GALNTL6: variants seen among roughly 807,000 people sequenced by gnomAD.
GALNTL6 encodes the protein polypeptide N-acetylgalactosaminyltransferase like 6.
GALNTL6 carries 46 observed loss-of-function variants against 73.7 expected under a neutral mutation model. That is an observed-to-expected ratio of 0.62 (90% confidence interval 0.49 to 0.80). The LOEUF is 0.80. Ranked by LOEUF, GALNTL6 falls within the 30% of genes least tolerant of loss-of-function variation. The probability of loss-of-function intolerance (pLI) is 0.00; values close to 1 mark genes in which losing one functional copy is unlikely to be tolerated. For missense variants in GALNTL6, 604 were observed against 755.0 expected (o/e 0.80, Z 2.34); for synonymous variants, 259 against 263.7 (o/e 0.98, Z 0.17).
At chr4:172,559,403 C>T (rs1333162969) in intron 5 of GALNTL6, among the ~76,000 whole-genome samples, 3 of 152,096 alleles carry the variant, frequency 2.0e-5, no homozygotes, top group Admixed American at 6.5e-5. Flanking sequence ...ATGGATGCCT[C>T]TTACTCCCAG....
chr4:172,642,825 A>G (rs1301022292), intron 5 of GALNTL6, among the ~76,000 whole-genome samples: 1 of 151,928 alleles, frequency 6.6e-6, no homozygotes, highest in Non-Finnish European at 1.5e-5. Flanking sequence ...TACACCATAA[A>G]TATATTCCAT....
At chr4:172,357,308 T>C (rs1182903422) in intron 5 of GALNTL6, among the ~76,000 whole-genome samples, 2 of 152,160 alleles carry the variant, frequency 1.3e-5, no homozygotes, top group African/African-American at 4.8e-5. Context: ...TGGCCCCTTG[T>C]GGGACATCTG....
intron 10 of GALNTL6, among the ~76,000 whole-genome samples, chr4:172,986,902 C>A (rs79086521): frequency 6.6e-6 from 1 of 152,004 alleles, no homozygotes; most frequent in Admixed American, 6.6e-5. Flanking sequence ...AGTCCAAATC[C>A]GAAATATGGA....
chr4:172,333,089 A>T (rs1741188515), intron 4 of GALNTL6, among the ~76,000 whole-genome samples: 1 of 152,176 alleles, frequency 6.6e-6, no homozygotes, highest in Admixed American at 6.6e-5. Flanking sequence ...CCACTTGGTC[A>T]TTTGTAAGTC....
chr4:172,913,534 G>C (rs1303316394), intron 8 of GALNTL6, among the ~76,000 whole-genome samples: 1 of 152,162 alleles, frequency 6.6e-6, no homozygotes, highest in Admixed American at 6.5e-5. Context: ...AAACAGCATA[G>C]AGAAGACCTT....
intron 2 of GALNTL6, among the ~76,000 whole-genome samples, chr4:171,926,346 C>A (rs1259922779): frequency 6.6e-6 from 1 of 152,044 alleles, no homozygotes; most frequent in African/African-American, 2.4e-5. Flanking sequence ...CATGTTGTTT[C>A]ATGTAGATTC....
At chr4:172,394,657 C>T (rs568857648) in intron 5 of GALNTL6, among the ~76,000 whole-genome samples, 5 of 152,008 alleles carry the variant, frequency 3.3e-5, no homozygotes, top group Non-Finnish European at 4.4e-5. Flanking sequence ...GTCTCGAACT[C>T]CTGACCTCAG....
intron 10 of GALNTL6, among the ~76,000 whole-genome samples, chr4:172,969,834 G>T (rs942836389): frequency 7.9e-5 from 12 of 152,218 alleles, no homozygotes; most frequent in Non-Finnish European, 1.6e-4. Flanking sequence ...AAGCCGTCAT[G>T]AATGCATTGA....
At chr4:172,817,604 G>A (rs1468419779) in intron 7 of GALNTL6, among the ~76,000 whole-genome samples, 4 of 152,230 alleles carry the variant, frequency 2.6e-5, no homozygotes, top group East Asian at 3.9e-4. Flanking sequence ...AGGGCACTTA[G>A]CAATGAAAGA....
intron 5 of GALNTL6, among the ~76,000 whole-genome samples, chr4:172,716,278 G>A (rs1735085639): frequency 6.6e-6 from 1 of 152,148 alleles, no homozygotes; most frequent in Non-Finnish European, 1.5e-5. Flanking sequence ...AAGCCCTGCT[G>A]TAAGCCAATG....
intron 5 of GALNTL6, among the ~76,000 whole-genome samples, chr4:172,716,705 T>C (rs1735122173): frequency 6.6e-6 from 1 of 152,206 alleles, no homozygotes; most frequent in Admixed American, 6.6e-5. Context: ...GACTAAAGTG[T>C]ATGCACTTGT....
chr4:172,184,642 A>G (rs1265072924), intron 2 of GALNTL6, among the ~76,000 whole-genome samples: 1 of 152,194 alleles, frequency 6.6e-6, no homozygotes, highest in African/African-American at 2.4e-5. Flanking sequence ...AGTTTCTAAA[A>G]ACATTTCTAG....
chr4:173,020,407 A>G (rs1372255458), intron 11 of GALNTL6, among the ~76,000 whole-genome samples: 7 of 152,242 alleles, frequency 4.6e-5, no homozygotes, highest in Admixed American at 4.6e-4. Flanking sequence ...TAGGATAGGA[A>G]TGTGTTGGAT....
intron 2 of GALNTL6, among the ~76,000 whole-genome samples, chr4:171,929,753 G>A (rs988923032): frequency 6.6e-6 from 1 of 152,114 alleles, no homozygotes; most frequent in East Asian, 1.9e-4. Context: ...GGCCTGAAAG[G>A]GGCCCTGCCT....
intron 5 of GALNTL6, among the ~76,000 whole-genome samples, chr4:172,366,868 G>A (rs545323855): frequency 1.1e-4 from 17 of 152,298 alleles, no homozygotes; most frequent in African/African-American, 4.1e-4. Context: ...GAAGTTGCTG[G>A]GAGGATGAAG....
At chr4:172,041,086 T>C (rs1450529809) in intron 2 of GALNTL6, among the ~76,000 whole-genome samples, 1 of 152,124 alleles carries the variant, frequency 6.6e-6, no homozygotes. Flanking sequence ...AATGTCTAAT[T>C]GTTTTTTTAT....
intron 2 of GALNTL6, among the ~76,000 whole-genome samples, chr4:172,125,137 ATG>A (rs1733260185): frequency 6.6e-6 from 1 of 152,196 alleles, no homozygotes; most frequent in Non-Finnish European, 1.5e-5. Context: ...AAAGGCAATG[ATG>A]TATGACCTGC....
At chr4:172,927,186 G>A (rs1298990279) in intron 8 of GALNTL6, among the ~76,000 whole-genome samples, 1 of 152,196 alleles carries the variant, frequency 6.6e-6, no homozygotes, top group Non-Finnish European at 1.5e-5. Flanking sequence ...TAGTCCACTT[G>A]TAATTTCTTT....
intron 2 of GALNTL6, among the ~76,000 whole-genome samples, chr4:171,897,118 G>C (rs1012410484): frequency 6.6e-6 from 1 of 151,934 alleles, no homozygotes; most frequent in Admixed American, 6.6e-5. Context: ...GTGTAAGTTA[G>C]AGACAAAAGA....
Sources: allele counts gnomAD v4.1 joint callset (sites outside exome capture counted in the v4.1 genomes callset), GRCh38; gene constraint gnomAD v4.1.1; transcripts MANE v1.5; gene names NCBI Gene and HGNC (gene_info 2026-07-23, HGNC 2026-07-21).